TMEM114: variants seen among roughly 807,000 people sequenced by gnomAD.
TMEM114 encodes the protein claudin-26.
In TMEM114, 6 loss-of-function variants were observed where a neutral mutation model predicts 6.2. That is an observed-to-expected ratio of 0.97 (90% CI 0.53 to 1.91). TMEM114 has a LOEUF of 1.91. TMEM114 is among the 40% of genes most tolerant of loss of function. TMEM114 has a pLI of 0.01. For synonymous variants in TMEM114, 104 were observed against 73.0 expected (o/e 1.42, Z -2.16); for missense variants, 218 against 158.3 (o/e 1.38, Z -2.02).
chr16:8,556,740 G>A (rs1019912529), intron 2 of TMEM114, among the ~76,000 whole-genome samples: 1 of 152,052 alleles, frequency 6.6e-6, no homozygotes, highest in Non-Finnish European at 1.5e-5. Context: ...TGACCTCAGG[G>A]GATCCACCCG....
chr16:8,528,257 C>T, the TMEM114 span, among the ~76,000 whole-genome samples: 1 of 152,132 alleles, frequency 6.6e-6, no homozygotes, highest in Non-Finnish European at 1.5e-5. Flanking sequence ...CACACACACA[C>T]ACACACGCAC....
At chr16:8,564,597 C>A (rs62646492), downstream of TMEM114, among the ~76,000 whole-genome samples, 2 of 81,484 alleles carry the variant, frequency 2.5e-5, no homozygotes, top group Non-Finnish European at 5.0e-5. Context: ...GAGTGAGTGA[C>A]GGAGGGAGGG....
At chr16:8,548,753 A>C (rs79610496) in intron 2 of TMEM114, among the ~76,000 whole-genome samples, 1 of 150,772 alleles carries the variant, frequency 6.6e-6, no homozygotes, top group Non-Finnish European at 1.5e-5. Flanking sequence ...GTTTTACTTT[A>C]ACTGACAGAA....
At chr16:8,569,453 T>G, downstream of TMEM114, 1 of 1,168,956 alleles carries the variant, frequency 8.6e-7, no homozygotes, top group Non-Finnish European at 1.1e-6. Flanking sequence ...GAGGAGGAAA[T>G]GAAGTCGGAG....
Position 8,572,192 on chromosome 16 carries a change from G to C in TMEM114, c.334C>G (p.Leu112Val). 1 of 1,551,708 alleles carries C rather than the reference G, an allele frequency of 6.4e-7. No individual in the cohort carries two copies. The highest frequency in any genetic ancestry group is 8.7e-7 in the Non-Finnish European group (1 of 1,146,996). The change falls in exon 3 of 4, where the codon CTC becomes GTC. Residue 112 changes from leucine (L) to valine (V), a missense_variant. Physicochemically the swap from Leu to Val is conservative, Grantham distance 32 (BLOSUM62 1). Coordinates refer to ENST00000620492, the MANE Select transcript of TMEM114 (RefSeq NM_001146336.2). Reference protein sequence around the residue: ...MHGTFVILLPLSLILMVFGGM... With the variant: ...MHGTFVILLPVSLILMVFGGM... ...CCAAAAACCATCAGGATCAGGCTGA[G>C]CGGCAGCAGAATCACAAATGTCCCA...
chr16:8,562,997 T>A (rs951437572), intron 2 of TMEM114, among the ~76,000 whole-genome samples: 2 of 142,300 alleles, frequency 1.4e-5, no homozygotes, highest in Admixed American at 1.4e-4. Context: ...AGTGAGTGAA[T>A]GAGTGAGTGA....
At chr16:8,555,056 C>G (rs1169311549) in intron 2 of TMEM114, among the ~76,000 whole-genome samples, 2 of 152,240 alleles carry the variant, frequency 1.3e-5, no homozygotes, top group Admixed American at 6.5e-5. Flanking sequence ...TTTCCCTCCC[C>G]TCTCCTCCCA....
chr16:8,567,945 C>T (rs1014902759), downstream of TMEM114, among the ~76,000 whole-genome samples: 1 of 152,186 alleles, frequency 6.6e-6, no homozygotes, highest in Non-Finnish European at 1.5e-5. Flanking sequence ...GTGAGTAACC[C>T]ACTCCTTTTG....
In TMEM114 at chr16:8,569,775, A is replaced by G; in HGVS notation, c.670T>C (p.Ter224ArgextTer58). The G allele has an allele frequency of 1.9e-6, 3 of 1,549,650 alleles. No homozygotes were observed. Among genetic ancestry groups the G allele is most frequent in the Non-Finnish European group, 2.6e-6 (3 of 1,146,350 alleles). ...CCTCCACGACCCAGCGCCCAGGCTC[A>G]TATGGCCTGGTCCTGCCTCCGTCTC... ...SLRRRQDQAI[*>R] The change falls in exon 4 of 4, where the codon TGA (stop) becomes CGA (arginine). Residue 224 changes from the stop codon to arginine (R), a stop_lost. Transcript: ENST00000620492.
downstream of TMEM114, among the ~76,000 whole-genome samples, chr16:8,534,502 G>A (rs1046791137): frequency 6.6e-6 from 1 of 152,194 alleles, no homozygotes; most frequent in Non-Finnish European, 1.5e-5. Context: ...TCTCTCCAAT[G>A]CACCTACATC....
intron 2 of TMEM114, among the ~76,000 whole-genome samples, chr16:8,562,484 ATGAG>A (rs1901279290): frequency 1.7e-5 from 2 of 120,970 alleles, no homozygotes; most frequent in African/African-American, 3.2e-5. Flanking sequence ...GAGTGAGTGA[ATGAG>A]TATGTGAATG....
chr16:8,585,943 A>G (rs1902305314), intron 2 of TMEM114, among the ~76,000 whole-genome samples: 1 of 152,222 alleles, frequency 6.6e-6, no homozygotes, highest in Non-Finnish European at 1.5e-5. Flanking sequence ...GGTTAGCCCT[A>G]GGACTGAGGG....
intron 2 of TMEM114, among the ~76,000 whole-genome samples, chr16:8,576,447 G>T (rs1009316772): frequency 3.9e-5 from 6 of 152,196 alleles, no homozygotes; most frequent in Admixed American, 2.6e-4. Context: ...AACTTGAACT[G>T]CAGGGGTGTC....
intron 2 of TMEM114, among the ~76,000 whole-genome samples, chr16:8,587,168 C>T (rs1419321303): frequency 3.9e-5 from 6 of 152,064 alleles, no homozygotes; most frequent in Non-Finnish European, 7.4e-5. Context: ...CAATATTTCC[C>T]AGCATGCCTC....
chr16:8,543,525 G>T (rs908981987), intron 2 of TMEM114, among the ~76,000 whole-genome samples: 6 of 152,064 alleles, frequency 3.9e-5, no homozygotes, highest in Admixed American at 3.9e-4. Context: ...TGCACTTGAT[G>T]TTCTATCTAC....
intron 2 of TMEM114, among the ~76,000 whole-genome samples, chr16:8,548,694 G>GTGTATATATA (rs1555461967): frequency 3.6e-5 from 5 of 139,896 alleles, no homozygotes; most frequent in Admixed American, 1.4e-4. Flanking sequence ...AAATTGCCAT[G>GTGTATATATA]TATATATATA....
chr16:8,587,670 AT>A, intron 2 of TMEM114, among the ~76,000 whole-genome samples: 1 of 152,236 alleles, frequency 6.6e-6, no homozygotes, highest in African/African-American at 2.4e-5. Context: ...ACTTGTCTTT[AT>A]TTTTTTATCC....
At chr16:8,550,879 T>A (rs1406257852) in intron 2 of TMEM114, among the ~76,000 whole-genome samples, 4 of 152,140 alleles carry the variant, frequency 2.6e-5, no homozygotes, top group African/African-American at 9.7e-5. Context: ...GAACATCCAC[T>A]GCTCTCCTCC....
chr16:8,565,174 G>T (rs1901499652), downstream of TMEM114, among the ~76,000 whole-genome samples: 1 of 152,116 alleles, frequency 6.6e-6, no homozygotes, highest in African/African-American at 2.4e-5. Context: ...TGCATGGATG[G>T]ATGAGTGAAT....
Sources: gnomAD v4.1 joint callset for allele counts (sites outside exome capture counted in the v4.1 genomes callset) on GRCh38, gnomAD v4.1.1 for gene constraint, MANE v1.5 for transcripts, NCBI Gene and HGNC (gene_info 2026-07-23, HGNC 2026-07-21) for gene names.